The following CRADD variants were observed in gnomAD, a reference collection of about 807,000 sequenced individuals.
CRADD encodes death domain-containing protein CRADD.
A neutral mutation model predicts 15.5 loss-of-function variants in CRADD; 9 were observed. That is an observed-to-expected ratio of 0.58 (90% CI 0.35 to 1.01). CRADD has a LOEUF of 1.01. Among genes scored for constraint, CRADD ranks in the 50% least tolerant of loss-of-function variants. CRADD has a pLI of 0.02. For missense variants in CRADD, 227 were observed against 250.3 expected (o/e 0.91, Z 0.63); for synonymous variants, 118 against 107.6 (o/e 1.10, Z -0.60).
chr12:93,833,382 A>G (rs1957932107), intron 2 of CRADD, among the ~76,000 whole-genome samples: 1 of 152,154 alleles, frequency 6.6e-6, no homozygotes, highest in African/African-American at 2.4e-5. Context: ...TGTGTCACTC[A>G]GGCTGGAGTG....
chr12:93,861,186 A>G (rs1958316951), intron 2 of CRADD, among the ~76,000 whole-genome samples: 1 of 152,190 alleles, frequency 6.6e-6, no homozygotes, highest in Non-Finnish European at 1.5e-5. Context: ...GGTACAGACA[A>G]CTGTGATGAC....
intron 2 of CRADD, among the ~76,000 whole-genome samples, chr12:93,889,531 C>G (rs1324866833): frequency 1.3e-5 from 2 of 152,162 alleles, no homozygotes; most frequent in Non-Finnish European, 2.9e-5. Context: ...CCCCCTCACC[C>G]TTGCCCTCCA....
intron 2 of CRADD, chr12:93,790,826 A>G (rs1459800698): frequency 1.3e-5 from 2 of 152,196 alleles, no homozygotes; most frequent in East Asian, 3.9e-4. Flanking sequence ...TCTTATGAGC[A>G]TAATCATCTA....
chr12:93,821,305 C>A (rs757963975), intron 2 of CRADD, among the ~76,000 whole-genome samples: 1 of 152,194 alleles, frequency 6.6e-6, no homozygotes, highest in Non-Finnish European at 1.5e-5. Context: ...CCCTACCAGG[C>A]CCCTGTAGAC....
At chr12:93,856,137 G>C (rs1181734924) in intron 2 of CRADD, among the ~76,000 whole-genome samples, 1 of 152,222 alleles carries the variant, frequency 6.6e-6, no homozygotes, top group Admixed American at 6.5e-5. Context: ...CCCTCCCAGG[G>C]CTCTGAGAAG....
At chr12:93,886,162 C>CATTTTTTTTTTTTTTTTTT (rs1555231623) in intron 2 of CRADD, among the ~76,000 whole-genome samples, 1 of 123,948 alleles carries the variant, frequency 8.1e-6, no homozygotes. Flanking sequence ...GCTGCTGATG[C>CATTTTTTTTTTTTTTTTTT]TTTTTTTTTT....
At chr12:93,682,841 G>T (rs763020297) in intron 2 of CRADD, among the ~76,000 whole-genome samples, 8 of 152,066 alleles carry the variant, frequency 5.3e-5, no homozygotes, top group Non-Finnish European at 8.8e-5. Context: ...AGTTGTTAAA[G>T]TTGTTAATGG....
intron 2 of CRADD, among the ~76,000 whole-genome samples, chr12:93,891,313 C>T (rs191013751): frequency 2.0e-5 from 3 of 151,972 alleles, no homozygotes; most frequent in Admixed American, 2.0e-4. Flanking sequence ...ACGTGGCAAC[C>T]CCATCTCTAC....
intron 2 of CRADD, among the ~76,000 whole-genome samples, chr12:93,680,505 C>T (rs1373439988): frequency 1.3e-5 from 2 of 152,154 alleles, no homozygotes; most frequent in East Asian, 1.9e-4. Context: ...TATTTTCATT[C>T]CTAGTCTGGG....
chr12:93,745,212 G>A (rs1262015656), intron 2 of CRADD, among the ~76,000 whole-genome samples: 1 of 152,120 alleles, frequency 6.6e-6, no homozygotes, highest in Non-Finnish European at 1.5e-5. Context: ...TATGGATCTC[G>A]ATTACTGTTT....
At chr12:93,761,810 A>G (rs1956968111) in intron 2 of CRADD, among the ~76,000 whole-genome samples, 1 of 152,086 alleles carries the variant, frequency 6.6e-6, no homozygotes, top group Admixed American at 6.5e-5. Flanking sequence ...ATTCTCAATA[A>G]TTTTCCCAGC....
intron 2 of CRADD, among the ~76,000 whole-genome samples, chr12:93,839,993 C>CTTTATA (rs1958028620): frequency 6.6e-6 from 1 of 152,208 alleles, no homozygotes; most frequent in South Asian, 2.1e-4. Flanking sequence ...TTTCCATGAA[C>CTTTATA]TTTATAGTTT....
intron 2 of CRADD, among the ~76,000 whole-genome samples, chr12:93,808,203 C>A (rs559252974): frequency 1.3e-5 from 2 of 152,028 alleles, no homozygotes; most frequent in Admixed American, 1.3e-4. Flanking sequence ...TGTTCTCATG[C>A]TGCTAATAAA....
At chr12:93,878,315 C>G (rs142542778) in intron 2 of CRADD, among the ~76,000 whole-genome samples, 35 of 152,218 alleles carry the variant, frequency 2.3e-4, no homozygotes, top group African/African-American at 8.2e-4. Context: ...GCCTCAGGAC[C>G]CTGATTAGTG....
intron 2 of CRADD, among the ~76,000 whole-genome samples, chr12:93,777,590 T>C (rs1957153997): frequency 6.6e-6 from 1 of 152,182 alleles, no homozygotes; most frequent in Non-Finnish European, 1.5e-5. Flanking sequence ...AATTTAGCAA[T>C]TAAGCTCTTT....
At chr12:93,861,083 C>T (rs191292146) in intron 2 of CRADD, among the ~76,000 whole-genome samples, 3 of 152,220 alleles carry the variant, frequency 2.0e-5, no homozygotes, top group East Asian at 1.9e-4. Context: ...TTTCAAAGAA[C>T]GGCGAGGAGT....
intron 2 of CRADD, among the ~76,000 whole-genome samples, chr12:93,892,030 A>G (rs1038093444): frequency 1.3e-5 from 2 of 152,214 alleles, no homozygotes; most frequent in African/African-American, 2.4e-5. Flanking sequence ...AAACCCTGTG[A>G]GATAGACAGG....
chr12:93,713,280 A>G lies in CRADD; in HGVS notation c.298+34208A>G, dbSNP rs1456991910. Reference sequence around the variant, plus strand: ...AATGCTGTCTGTAGTGACTCTGCAGAAAACAGTGTTATGTTCTTCTGTCAG... The same window carrying G: ...AATGCTGTCTGTAGTGACTCTGCAGGAAACAGTGTTATGTTCTTCTGTCAG... On this transcript the variant is annotated intron_variant, in intron 2 of 2. Coordinates refer to ENST00000332896, the MANE Select transcript of CRADD (RefSeq NM_003805.5). Among the ~76,000 whole-genome samples, 4 of 152,150 alleles carry G rather than the reference A, an allele frequency of 2.6e-5. No homozygotes were observed. The East Asian group carries it at 7.7e-4, about 29-fold the overall frequency.
intron 2 of CRADD, chr12:93,848,687 C>T (rs1184230774): frequency 2.0e-5 from 3 of 152,386 alleles, no homozygotes; most frequent in Non-Finnish European, 2.9e-5. Flanking sequence ...CCTCCTTCAT[C>T]ACCCAGCTCC....
Sources: gnomAD v4.1 joint callset for allele counts (sites outside exome capture counted in the v4.1 genomes callset) on GRCh38, gnomAD v4.1.1 for gene constraint, MANE v1.5 for transcripts, NCBI Gene and HGNC (gene_info 2026-07-23, HGNC 2026-07-21) for gene names.